The following UNC80 variants were observed in gnomAD, a reference collection of about 807,000 sequenced individuals.
UNC80 encodes protein unc-80 homolog.
A neutral mutation model predicts 384.6 loss-of-function variants in UNC80; 164 were observed. The ratio of observed to expected loss-of-function variants is 0.43; its 90% confidence interval spans 0.38 to 0.49. UNC80 has a LOEUF of 0.49. Among genes scored for constraint, UNC80 ranks in the 20% least tolerant of loss-of-function variants. The pLI, the probability that UNC80 is intolerant of heterozygous loss-of-function variation, is 0.00. For synonymous variants in UNC80, 1,486 were observed against 1,527.8 expected, an observed-to-expected ratio of 0.97 and a Z score of 0.64; for missense variants, 3,330 against 4,143.0, an observed-to-expected ratio of 0.80 and a Z score of 5.39.
At chr2:209,987,538 T>C (rs1036272948) in intron 61 of UNC80, among the ~76,000 whole-genome samples, 3 of 152,204 alleles carry the variant, frequency 2.0e-5, no homozygotes, top group African/African-American at 7.2e-5. Flanking sequence ...TCCATGGACA[T>C]GTTTTCTCTC....
chr2:209,898,991 T>G (rs1157172010), intron 28 of UNC80, among the ~76,000 whole-genome samples: 1 of 152,236 alleles, frequency 6.6e-6, no homozygotes, highest in African/African-American at 2.4e-5. Context: ...ATTGTGTATA[T>G]GTACCACATT....
At chr2:209,981,046 C>G (rs1331797245) in intron 59 of UNC80, among the ~76,000 whole-genome samples, 2 of 152,106 alleles carry the variant, frequency 1.3e-5, no homozygotes, top group Non-Finnish European at 2.9e-5. Flanking sequence ...AAATTGCTAG[C>G]ACGTTTTATA....
chr2:209,877,900 AT>A (rs1482523466), intron 23 of UNC80, 53 bp from the exon 24 acceptor site: 125 of 1,455,790 alleles, frequency 8.6e-5, no homozygotes, highest in Non-Finnish European at 1.1e-4. Flanking sequence ...GTGAGAGCCT[AT>A]TTTAGAGTTT....
At chr2:209,880,905 A>T in intron 24 of UNC80, 56 bp from the exon 25 acceptor site, 1 of 1,515,874 alleles carries the variant, frequency 6.6e-7, no homozygotes, top group Non-Finnish European at 9.0e-7. Context: ...CAAACTATGC[A>T]TTTCTGTATT....
rs756556343 is a variant in UNC80 at position 209,816,679 on chromosome 2, A to G, written c.1336-230A>G. On this transcript the variant is annotated intron_variant, in intron 9 of 64. Coordinates refer to ENST00000673920, the MANE Select transcript of UNC80 (RefSeq NM_001371986.1). ...ACCACACTTTGCAAACCACTAGTCT[A>G]ACCAAACCCAGGAGAAAGGCCCACG... is the stretch of plus-strand genomic sequence containing the variant. Among the ~76,000 whole-genome samples the G allele has an allele frequency of 2.3e-4, 35 of 152,206 alleles. 1 individual carries two copies. Among genetic ancestry groups the G allele is most frequent in the Non-Finnish European group, 3.1e-4 (21 of 68,028 alleles).
intron 7 of UNC80, among the ~76,000 whole-genome samples, chr2:209,806,768 T>C (rs1171948245): frequency 6.6e-6 from 1 of 152,256 alleles, no homozygotes; most frequent in Non-Finnish European, 1.5e-5. Context: ...CTCTGCACTC[T>C]GCAATAAGTA....
chr2:209,894,649 G>A (rs1454592649), intron 27 of UNC80, among the ~76,000 whole-genome samples: 1 of 152,188 alleles, frequency 6.6e-6, no homozygotes, highest in Non-Finnish European at 1.5e-5. Context: ...AAGCTTTCTG[G>A]TGGAGCCGAT....
At chr2:209,885,920 A>G (rs986460463) in intron 25 of UNC80, among the ~76,000 whole-genome samples, 3 of 151,696 alleles carry the variant, frequency 2.0e-5, no homozygotes, top group African/African-American at 7.3e-5. Flanking sequence ...ACCTGCCATC[A>G]CGCCCACCTA....
chr2:209,968,470 T>C (rs2092796594), intron 52 of UNC80: 1 of 152,090 alleles, frequency 6.6e-6, no homozygotes, highest in Non-Finnish European at 1.5e-5. Context: ...TAGTCCATAA[T>C]CTCCTTCACA....
At chr2:209,871,039 A>G (rs2084248896) in intron 22 of UNC80, among the ~76,000 whole-genome samples, 1 of 152,190 alleles carries the variant, frequency 6.6e-6, no homozygotes, top group South Asian at 2.1e-4. Flanking sequence ...AGATGACCCA[A>G]ATCACAAAGC....
intron 61 of UNC80, among the ~76,000 whole-genome samples, chr2:209,987,623 T>A (rs1244424490): frequency 6.6e-6 from 1 of 152,184 alleles, no homozygotes; most frequent in African/African-American, 2.4e-5. Flanking sequence ...TAGATTTTGG[T>A]TGGACATGTT....
At chr2:209,943,655 C>A in intron 45 of UNC80, 141 bp downstream of exon 45, 3 of 986,290 alleles carry the variant, frequency 3.0e-6, no homozygotes, top group East Asian at 2.6e-5. Context: ...GCAGAGGAGT[C>A]GAAAAACTGT....
chr2:209,817,231 G>T, intron 10 of UNC80, 106 bp downstream of exon 10: 5 of 1,085,806 alleles, frequency 4.6e-6, no homozygotes. Context: ...ATTCAGCCAA[G>T]AAATTTGGGG....
chr2:209,964,660 C>T (rs760098611), intron 51 of UNC80, among the ~76,000 whole-genome samples: 4 of 151,702 alleles, frequency 2.6e-5, no homozygotes, highest in East Asian at 1.9e-4. Context: ...TGGTGGCATG[C>T]GCCTGTAGTC....
chr2:209,961,450 T>G (rs1203023176), intron 51 of UNC80: 1 of 152,178 alleles, frequency 6.6e-6, no homozygotes, highest in Non-Finnish European at 1.5e-5. Context: ...ACATTTACAT[T>G]TATGTATTAT....
chr2:209,790,991 T>C (rs2077759834), intron 6 of UNC80, among the ~76,000 whole-genome samples: 1 of 152,202 alleles, frequency 6.6e-6, no homozygotes, highest in Non-Finnish European at 1.5e-5. Context: ...TTAGATACAA[T>C]GAAATACATA....
chr2:209,832,339 A>G (rs983110041), intron 16 of UNC80, among the ~76,000 whole-genome samples: 1 of 152,288 alleles, frequency 6.6e-6, no homozygotes, highest in African/African-American at 2.4e-5. Flanking sequence ...CTTAATTACC[A>G]CCAAGAAGAT....
chr2:209,787,716 A>G (rs563927706), intron 5 of UNC80, among the ~76,000 whole-genome samples: 2 of 152,330 alleles, frequency 1.3e-5, no homozygotes, highest in South Asian at 4.1e-4. Context: ...AGTATAGCCC[A>G]TACAATTATA....
At chr2:209,972,014 A>G (rs2092900753) in intron 54 of UNC80, among the ~76,000 whole-genome samples, 187 bp from the exon 55 acceptor site, 1 of 152,240 alleles carries the variant, frequency 6.6e-6, no homozygotes, top group Admixed American at 6.5e-5. Context: ...ATAGCTCTCA[A>G]TTATATCAAG....
Sources: allele counts gnomAD v4.1 joint callset (sites outside exome capture counted in the v4.1 genomes callset), GRCh38; gene constraint gnomAD v4.1.1; transcripts MANE v1.5; gene names NCBI Gene and HGNC (gene_info 2026-07-23, HGNC 2026-07-21).